Variants in RGS7BP observed in about 807,000 individuals in gnomAD.
RGS7BP encodes regulator of G protein signaling 7-binding protein.
In RGS7BP, 9 loss-of-function variants were observed where a neutral mutation model predicts 31.3. The ratio of observed to expected loss-of-function variants is 0.29; its 90% CI spans 0.17 to 0.50. RGS7BP has a LOEUF of 0.50. Among genes scored for constraint, RGS7BP ranks in the 20% least tolerant of loss-of-function variants. The pLI is 0.98. For missense variants in RGS7BP, 274 were observed against 322.0 expected (o/e 0.85, Z 1.14); for synonymous variants, 115 against 120.1 (o/e 0.96, Z 0.28).
chr5:64,535,888 A>G (rs1741337729), intron 2 of RGS7BP, among the ~76,000 whole-genome samples: 1 of 152,210 alleles, frequency 6.6e-6, no homozygotes, highest in Admixed American at 6.5e-5. Context: ...ATTGGAAGAA[A>G]GTCTTGGGAA....
At position 64,575,761 on chromosome 5, in the gene RGS7BP, C is replaced by T. The variant is rs1219216373; in HGVS notation, c.333-13C>T. 1 of 1,598,026 alleles carries T rather than the reference C, an allele frequency of 6.3e-7. No homozygotes were observed. Among genetic ancestry groups the T allele is most frequent in the African/African-American group, 1.4e-5 (1 of 73,758 alleles). ...GAGAATGTTCACAGCTTTTCTCTTT[C>T]ATTCTGTTGCAGCCCGGAAGATGGT... On this transcript the variant is annotated splice_polypyrimidine_tract_variant and intron_variant, in intron 2 of 5. Transcript: ENST00000334025.
intron 3 of RGS7BP, among the ~76,000 whole-genome samples, chr5:64,576,644 T>C (rs1308784458): frequency 6.6e-6 from 1 of 152,200 alleles, no homozygotes; most frequent in East Asian, 1.9e-4. Flanking sequence ...CCTAAACCAA[T>C]CACTGTAGAT....
intron 2 of RGS7BP, among the ~76,000 whole-genome samples, chr5:64,515,617 T>C (rs1748950873): frequency 6.6e-6 from 1 of 152,032 alleles, no homozygotes; most frequent in Admixed American, 6.6e-5. Context: ...CAGAGCAGTA[T>C]CTATACTGCC....
At chr5:64,552,296 T>C (rs546037410) in intron 2 of RGS7BP, among the ~76,000 whole-genome samples, 2 of 152,298 alleles carry the variant, frequency 1.3e-5, no homozygotes, top group Non-Finnish European at 2.9e-5. Flanking sequence ...ATGGTTACTC[T>C]TTTTTCTTCT....
At chr5:64,581,143 G>GCAGA (rs1225099568) in intron 3 of RGS7BP, among the ~76,000 whole-genome samples, 1 of 152,132 alleles carries the variant, frequency 6.6e-6, no homozygotes, top group African/African-American at 2.4e-5. Flanking sequence ...GAGGTGGGAT[G>GCAGA]CAGAGACTGT....
chr5:64,566,573 G>A (rs763601593), intron 2 of RGS7BP, among the ~76,000 whole-genome samples: 26 of 152,140 alleles, frequency 1.7e-4, no homozygotes, highest in Non-Finnish European at 2.6e-4. Flanking sequence ...TTGTTCATAC[G>A]TTGCATGTCT....
At chr5:64,591,027 C>G (rs1742901086) in intron 3 of RGS7BP, among the ~76,000 whole-genome samples, 1 of 151,966 alleles carries the variant, frequency 6.6e-6, no homozygotes, top group Non-Finnish European at 1.5e-5. Flanking sequence ...AGGCAAGGCA[C>G]AGTACTAAAA....
chr5:64,521,420 C>A (rs1201036656), intron 2 of RGS7BP, among the ~76,000 whole-genome samples: 1 of 152,088 alleles, frequency 6.6e-6, no homozygotes, highest in Non-Finnish European at 1.5e-5. Context: ...CCACACCCAG[C>A]TAATTTTTGT....
intron 2 of RGS7BP, among the ~76,000 whole-genome samples, chr5:64,558,100 A>G (rs1182959704): frequency 6.6e-6 from 1 of 152,110 alleles, no homozygotes. Flanking sequence ...GGGATGCCAT[A>G]TCACTGTGGG....
intron 3 of RGS7BP, among the ~76,000 whole-genome samples, chr5:64,588,020 A>C (rs1742804995): frequency 6.6e-6 from 1 of 152,188 alleles, no homozygotes; most frequent in Non-Finnish European, 1.5e-5. Flanking sequence ...GGAGATACCA[A>C]ATATAACAAA....
chr5:64,545,956 C>A (rs993397702), intron 2 of RGS7BP, among the ~76,000 whole-genome samples: 1 of 152,084 alleles, frequency 6.6e-6, no homozygotes, highest in Non-Finnish European at 1.5e-5. Context: ...GGGTTTGAGA[C>A]CAGCCTGACT....
intron 3 of RGS7BP, among the ~76,000 whole-genome samples, chr5:64,593,161 G>T (rs1254233828): frequency 4.6e-5 from 7 of 152,196 alleles, no homozygotes; most frequent in African/African-American, 1.7e-4. Flanking sequence ...GTCAATGTGT[G>T]CATGTGCTCT....
chr5:64,536,217 G>A (rs573044602), intron 2 of RGS7BP, among the ~76,000 whole-genome samples: 389 of 152,242 alleles, frequency 2.6e-3, no homozygotes, highest in African/African-American at 9.0e-3. Flanking sequence ...GCCCATAGCC[G>A]TACCAGTAAA....
rs561696822 is a variant in RGS7BP at position 64,609,219 on chromosome 5, G to T, written c.741G>T (p.Arg247Ser). 4 of 1,611,066 alleles carry T rather than the reference G, an allele frequency of 2.5e-6. No individual in the cohort carries two copies. Among genetic ancestry groups the T allele is most frequent in the East Asian group, 2.2e-5 (1 of 44,826 alleles). The change falls in exon 6 of 6, where the codon AGG becomes AGT. Residue 247 changes from arginine to serine, a missense_variant. Around this residue, in one of 3 missense-constraint regions of RGS7BP, gnomAD observed 112 missense variants for 130.9 expected, o/e 0.86. Transcript: ENST00000334025. ...PYPLVRRRKR[R>S]FFGLCCLISS The stretch of plus-strand genomic sequence containing the variant: ...CCCTGGTGAGAAGACGGAAGAGAAG[G>T]TTCTTTGGGCTGTGTTGTCTCATCT...
At chr5:64,514,058 C>T (rs942156189) in intron 2 of RGS7BP, among the ~76,000 whole-genome samples, 3 of 152,196 alleles carry the variant, frequency 2.0e-5, no homozygotes, top group Admixed American at 1.3e-4. Flanking sequence ...CCATGCTTCT[C>T]CTCTAGCTTC....
At chr5:64,571,420 C>A (rs1395714084) in intron 2 of RGS7BP, among the ~76,000 whole-genome samples, 1 of 152,054 alleles carries the variant, frequency 6.6e-6, no homozygotes, top group Non-Finnish European at 1.5e-5. Context: ...GTTTTTATTT[C>A]TCTTGGCCAA....
At chr5:64,607,936 C>A (rs1743405953) in intron 5 of RGS7BP, among the ~76,000 whole-genome samples, 1 of 152,046 alleles carries the variant, frequency 6.6e-6, no homozygotes, top group Admixed American at 6.6e-5. Context: ...AACAAGCCCT[C>A]TTCTACGAAT....
intron 2 of RGS7BP, among the ~76,000 whole-genome samples, chr5:64,566,904 G>C (rs1742182927): frequency 6.6e-6 from 1 of 151,918 alleles, no homozygotes; most frequent in Non-Finnish European, 1.5e-5. Flanking sequence ...CCATGTTTGG[G>C]GGCCCTTATG....
At position 64,537,369 on chromosome 5, in the gene RGS7BP, G is replaced by A. The variant is rs542455593; in HGVS notation, c.332+29492G>A. 5.9e-5 allele frequency among the ~76,000 whole-genome samples: 9 copies of A among 152,276 alleles called. No homozygotes were observed. The South Asian group carries it at 6.2e-4, about 11-fold the overall frequency. On this transcript the variant is annotated intron_variant, in intron 2 of 5. Coordinates refer to ENST00000334025, the MANE Select transcript of RGS7BP (RefSeq NM_001029875.3). ...CCTGGGTCACTTGTAGCCCTTGTCC[G>A]CGGGTTACAAGCTTGGTTTAGGCTA...
Sources: allele counts gnomAD v4.1 joint callset (sites outside exome capture counted in the v4.1 genomes callset), GRCh38; gene constraint gnomAD v4.1.1; regional missense constraint gnomAD v4.1.1; transcripts MANE v1.5; gene names NCBI Gene and HGNC (gene_info 2026-07-23, HGNC 2026-07-21).